SLC5A4: variants seen among roughly 807,000 people sequenced by gnomAD.
SLC5A4 encodes probable glucose sensor protein SLC5A4.
In SLC5A4, 55 loss-of-function variants were observed where a neutral mutation model predicts 70.3. That is an observed-to-expected ratio of 0.78 (90% confidence interval 0.63 to 0.98). The LOEUF is 0.98. Ranked by LOEUF, SLC5A4 falls within the 50% of genes least tolerant of loss-of-function variation. The pLI is 0.00. For missense variants in SLC5A4, 735 were observed against 839.2 expected, an observed-to-expected ratio of 0.88 and a Z score of 1.53; for synonymous variants, 268 against 305.7, an observed-to-expected ratio of 0.88 and a Z score of 1.29.
the SLC5A4 span, among the ~76,000 whole-genome samples, chr22:32,315,786 C>T: frequency 1.7e-5 from 2 of 115,150 alleles, no homozygotes; most frequent in East Asian, 2.7e-4. Context: ...GAGCCATACA[C>T]ACTTGCTTAA....
chr22:32,311,965 G>A, the SLC5A4 span, among the ~76,000 whole-genome samples: 1 of 152,092 alleles, frequency 6.6e-6, no homozygotes, highest in Non-Finnish European at 1.5e-5. Flanking sequence ...CTGGCCATGT[G>A]GCGCCTGGGC....
At chr22:32,290,863 C>G in the SLC5A4 span, among the ~76,000 whole-genome samples, 1 of 152,188 alleles carries the variant, frequency 6.6e-6, no homozygotes. Context: ...GTTCCATCCT[C>G]AGGACTTAAT....
intron 5 of SLC5A4, among the ~76,000 whole-genome samples, chr22:32,244,519 T>C (rs1190255176): frequency 6.6e-6 from 1 of 152,202 alleles, no homozygotes; most frequent in Non-Finnish European, 1.5e-5. Context: ...ATGTAAGTAG[T>C]TGACATATTA....
chr22:32,238,566 C>T (rs1228715154), intron 6 of SLC5A4, among the ~76,000 whole-genome samples: 4 of 152,230 alleles, frequency 2.6e-5, no homozygotes, highest in African/African-American at 9.6e-5. Context: ...CAGTTCTCCT[C>T]TCCCAACTGC....
the SLC5A4 span, among the ~76,000 whole-genome samples, chr22:32,345,288 G>A: frequency 6.6e-6 from 1 of 152,058 alleles, no homozygotes; most frequent in Non-Finnish European, 1.5e-5. Context: ...AATTAATAAA[G>A]CCAACCCACC....
chr22:32,234,700 C>T (rs921315721), intron 8 of SLC5A4, among the ~76,000 whole-genome samples, 173 bp downstream of exon 8: 3 of 151,976 alleles, frequency 2.0e-5, no homozygotes, highest in Admixed American at 2.0e-4. Flanking sequence ...AAGACTCCAT[C>T]TCAAAAAAAC....
chr22:32,333,206 C>CCCCG, the SLC5A4 span, among the ~76,000 whole-genome samples: 5 of 150,384 alleles, frequency 3.3e-5, no homozygotes, highest in African/African-American at 7.3e-5. Context: ...ACCCCCCCCC[C>CCCCG]AGAAGACTCA....
intron 7 of SLC5A4, among the ~76,000 whole-genome samples, 159 bp from the exon 8 acceptor site, chr22:32,235,252 G>A (rs1031789054): frequency 1.3e-5 from 2 of 152,084 alleles, no homozygotes; most frequent in South Asian, 2.1e-4. Flanking sequence ...TGGTACCTCC[G>A]CTGGCATTGG....
chr22:32,231,306 T>C (rs972289144), intron 9 of SLC5A4, among the ~76,000 whole-genome samples: 1 of 152,178 alleles, frequency 6.6e-6, no homozygotes, highest in Non-Finnish European at 1.5e-5. Context: ...AGGGGCTCCC[T>C]TGGGACGTGG....
At chr22:32,232,857 A>C (rs767549099) in intron 9 of SLC5A4, 42 bp downstream of exon 9, 1 of 1,578,212 alleles carries the variant, frequency 6.3e-7, no homozygotes, top group Non-Finnish European at 8.6e-7. Flanking sequence ...TTATCAGAAT[A>C]CAAGCATAAA....
rs531716616 is a variant in SLC5A4, at chr22:32,252,001, G to A, written c.208-127C>T. ...TCCCAGCACTTTGGGAGGCTGAGGCGGGTGGATCACAAGGTCAGGAGATCA... is the reference window on the plus strand; with the variant it reads ...TCCCAGCACTTTGGGAGGCTGAGGCAGGTGGATCACAAGGTCAGGAGATCA... On this transcript the variant is annotated intron_variant, in intron 2 of 14. Coordinates refer to ENST00000266086, the MANE Select transcript of SLC5A4 (RefSeq NM_014227.3). The A allele has an allele frequency of 8.6e-5, 54 of 631,416 alleles. No individual in the cohort carries two copies. The East Asian group carries it at 1.0e-3, about 12-fold the overall frequency. 39.1% of individuals were successfully genotyped at this position (631,416 alleles called of 1,614,324 possible).
the SLC5A4 span, chr22:32,354,755 AAC>A: frequency 6.6e-6 from 1 of 152,112 alleles, no homozygotes; most frequent in African/African-American, 2.4e-5. Context: ...CACGGGCAGT[AAC>A]GCCCTGGATA....
chr22:32,248,664 T>C, intron 4 of SLC5A4, 79 bp downstream of exon 4: 1 of 1,001,842 alleles, frequency 1.0e-6, no homozygotes, highest in East Asian at 2.4e-5. Flanking sequence ...CAATACTCAT[T>C]GTCTCAGTGA....
the SLC5A4 span, among the ~76,000 whole-genome samples, chr22:32,319,560 C>T: frequency 6.6e-6 from 1 of 152,140 alleles, no homozygotes; most frequent in African/African-American, 2.4e-5. Context: ...TGCATAGCTG[C>T]AGGAGCCAAT....
the SLC5A4 span, among the ~76,000 whole-genome samples, chr22:32,261,396 A>G: frequency 6.6e-6 from 1 of 152,186 alleles, no homozygotes; most frequent in African/African-American, 2.4e-5. Flanking sequence ...GCAATTGTCC[A>G]CCTTCGTTGT....
At chr22:32,285,335 C>T in the SLC5A4 span, among the ~76,000 whole-genome samples, 1 of 152,142 alleles carries the variant, frequency 6.6e-6, no homozygotes, top group Non-Finnish European at 1.5e-5. Context: ...AGATTGCTTT[C>T]AACAGAAGGT....
chr22:32,262,539 A>G, the SLC5A4 span, among the ~76,000 whole-genome samples: 1 of 152,186 alleles, frequency 6.6e-6, no homozygotes, highest in Non-Finnish European at 1.5e-5. Flanking sequence ...TCCCTGCTGA[A>G]GGGCTCTTCT....
the SLC5A4 span, among the ~76,000 whole-genome samples, chr22:32,337,326 A>T: frequency 2.0e-5 from 3 of 152,216 alleles, no homozygotes; most frequent in Non-Finnish European, 4.4e-5. Flanking sequence ...TGGGCTTAGG[A>T]GTTCAGGACC....
chr22:32,275,635 G>T, the SLC5A4 span, among the ~76,000 whole-genome samples: 1 of 152,138 alleles, frequency 6.6e-6, no homozygotes, highest in Admixed American at 6.5e-5. Flanking sequence ...CATTTGGGTT[G>T]GTTCCAAGTC....
Sources: gnomAD v4.1 joint callset for allele counts (sites outside exome capture counted in the v4.1 genomes callset) on GRCh38, gnomAD v4.1.1 for gene constraint, MANE v1.5 for transcripts, NCBI Gene and HGNC (gene_info 2026-07-23, HGNC 2026-07-21) for gene names.